Variants in CDH12 observed in about 807,000 individuals in gnomAD.
CDH12 encodes cadherin-12.
In CDH12, 41 loss-of-function variants were observed where a neutral mutation model predicts 74.1. That is an observed-to-expected ratio of 0.55 (90% CI 0.43 to 0.72). CDH12 has a LOEUF of 0.72. Ranked by LOEUF, CDH12 falls within the 30% of genes least tolerant of loss-of-function variation. The probability of loss-of-function intolerance (pLI) is 0.00; values close to 1 mark genes in which losing one functional copy is unlikely to be tolerated. For missense variants in CDH12, 945 were observed against 977.2 expected, an observed-to-expected ratio of 0.97 and a Z score of 0.44; for synonymous variants, 399 against 355.0, an observed-to-expected ratio of 1.12 and a Z score of -1.39.
chr5:22,732,649 T>C (rs1009731645), intron 1 of CDH12, among the ~76,000 whole-genome samples: 1 of 151,742 alleles, frequency 6.6e-6, no homozygotes, highest in African/African-American at 2.4e-5. Context: ...TGAATACAGA[T>C]ACACACAAGG....
chr5:22,694,877 G>C (rs1742270387), intron 1 of CDH12, among the ~76,000 whole-genome samples: 1 of 151,798 alleles, frequency 6.6e-6, no homozygotes, highest in African/African-American at 2.4e-5. Flanking sequence ...GAATGTGCAG[G>C]TTTGTTACAT....
At chr5:21,972,747 G>C (rs1276034556) in intron 6 of CDH12, among the ~76,000 whole-genome samples, 2 of 152,056 alleles carry the variant, frequency 1.3e-5, no homozygotes, top group Non-Finnish European at 2.9e-5. Context: ...GTAATGCATA[G>C]AGGTTTATTT....
chr5:22,054,737 T>C (rs1426836141), intron 5 of CDH12, among the ~76,000 whole-genome samples: 1 of 152,148 alleles, frequency 6.6e-6, no homozygotes, highest in Admixed American at 6.6e-5. Context: ...GTACAGTCTC[T>C]GATTGAGGCC....
At chr5:22,390,118 A>G (rs1167683070) in intron 3 of CDH12, among the ~76,000 whole-genome samples, 1 of 152,014 alleles carries the variant, frequency 6.6e-6, no homozygotes, top group Non-Finnish European at 1.5e-5. Context: ...GGTATTTTCT[A>G]CATGTACCTG....
At chr5:22,273,564 T>C (rs1736499495) in intron 3 of CDH12, among the ~76,000 whole-genome samples, 1 of 152,202 alleles carries the variant, frequency 6.6e-6, no homozygotes, top group Non-Finnish European at 1.5e-5. Context: ...AACAATGATA[T>C]AGTTTGCATT....
intron 1 of CDH12, among the ~76,000 whole-genome samples, chr5:22,729,892 A>G (rs1343987564): frequency 6.6e-6 from 1 of 151,876 alleles, no homozygotes; most frequent in African/African-American, 2.4e-5. Flanking sequence ...TTGAAGTGAC[A>G]TTACCTACCA....
chr5:22,529,194 GAGAGAGA>G (rs1160355094), intron 1 of CDH12, among the ~76,000 whole-genome samples: 1 of 60,654 alleles, frequency 1.6e-5, no homozygotes, highest in Non-Finnish European at 4.0e-5. Context: ...TATATAGAGA[GAGAGAGA>G]GAGAGAGAGA....
intron 3 of CDH12, among the ~76,000 whole-genome samples, chr5:22,388,582 A>C (rs1038615946): frequency 1.3e-5 from 2 of 152,144 alleles, no homozygotes; most frequent in African/African-American, 4.8e-5. Context: ...TGATAACAAC[A>C]CTTTTTAAAT....
rs183329593 is a variant in CDH12, at chr5:21,821,163, T to C, written c.815-4031A>G. Among the ~76,000 whole-genome samples, 587 of 151,806 alleles carry C rather than the reference T, an allele frequency of 3.9e-3. 5 individuals are homozygous for C. The highest frequency in any genetic ancestry group is 0.014 in the African/African-American group (565 of 41,434). On this transcript the variant is annotated intron_variant, in intron 8 of 14. Transcript: ENST00000382254. ...ACTATGTCATTTGAAAAGATACTGA[T>C]TAGGACTTAAACTGTGTGTCGGGCG...
At chr5:21,968,706 G>A (rs774395218) in intron 6 of CDH12, among the ~76,000 whole-genome samples, 2 of 152,080 alleles carry the variant, frequency 1.3e-5, no homozygotes, top group Non-Finnish European at 2.9e-5. Flanking sequence ...TGTATTTTTG[G>A]TGAGTGTGTA....
chr5:22,583,370 C>A (rs1477205633), intron 1 of CDH12, among the ~76,000 whole-genome samples: 1 of 151,958 alleles, frequency 6.6e-6, no homozygotes, highest in Non-Finnish European at 1.5e-5. Flanking sequence ...ATGAAGAAGA[C>A]AAATTTAAAA....
intron 10 of CDH12, among the ~76,000 whole-genome samples, chr5:21,788,812 T>G (rs1458877811): frequency 2.0e-5 from 3 of 152,088 alleles, no homozygotes; most frequent in African/African-American, 7.2e-5. Flanking sequence ...CTTCATACAG[T>G]CATCAGTTTT....
intron 1 of CDH12, among the ~76,000 whole-genome samples, chr5:22,557,284 A>G (rs1192160194): frequency 6.6e-6 from 1 of 152,098 alleles, no homozygotes; most frequent in Non-Finnish European, 1.5e-5. Context: ...CCCTGCAAAC[A>G]TTTACAAACA....
chr5:22,603,801 C>A (rs1268392546), intron 1 of CDH12, among the ~76,000 whole-genome samples: 1 of 151,942 alleles, frequency 6.6e-6, no homozygotes, highest in African/African-American at 2.4e-5. Flanking sequence ...AAGAGATGAA[C>A]CATTATAGAT....
At chr5:22,124,696 A>G (rs1034122651) in intron 4 of CDH12, among the ~76,000 whole-genome samples, 2 of 152,180 alleles carry the variant, frequency 1.3e-5, no homozygotes, top group African/African-American at 2.4e-5. Context: ...CCCATACTCT[A>G]TTAATCTTCT....
chr5:22,833,065 T>A (rs189566462), intron 1 of CDH12, among the ~76,000 whole-genome samples: 1 of 152,200 alleles, frequency 6.6e-6, no homozygotes, highest in Non-Finnish European at 1.5e-5. Context: ...CATGCCTAAC[T>A]TTTTTCCTTA....
intron 2 of CDH12, among the ~76,000 whole-genome samples, chr5:22,478,505 C>T (rs1013219734): frequency 9.2e-5 from 14 of 151,394 alleles, no homozygotes; most frequent in African/African-American, 3.2e-4. Flanking sequence ...CAACCTTTAC[C>T]AGCTAAATAT....
At chr5:22,339,848 C>T (rs1461926080) in intron 3 of CDH12, among the ~76,000 whole-genome samples, 1 of 152,138 alleles carries the variant, frequency 6.6e-6, no homozygotes, top group Non-Finnish European at 1.5e-5. Context: ...AAGTGAAAGA[C>T]AGATGTTACA....
intron 1 of CDH12, among the ~76,000 whole-genome samples, chr5:22,573,049 A>G (rs1233343104): frequency 6.6e-6 from 1 of 152,222 alleles, no homozygotes; most frequent in East Asian, 1.9e-4. Context: ...AATGCAAAAC[A>G]TCCCTCTCCA....
Sources: gnomAD v4.1 joint callset for allele counts (sites outside exome capture counted in the v4.1 genomes callset) on GRCh38, gnomAD v4.1.1 for gene constraint, MANE v1.5 for transcripts, NCBI Gene and HGNC (gene_info 2026-07-23, HGNC 2026-07-21) for gene names.